The following TUT7 variants were observed in gnomAD, a reference collection of about 807,000 sequenced individuals.
TUT7 encodes the protein terminal uridylyl transferase 7.
A neutral mutation model predicts 165.9 loss-of-function variants in TUT7; 33 were observed. That is an observed-to-expected ratio of 0.20 (90% confidence interval 0.15 to 0.27). TUT7 has a LOEUF of 0.27. TUT7 is among the 10% of genes least tolerant of loss of function. TUT7 has a pLI of 1.00. For synonymous variants in TUT7, 552 were observed against 608.1 expected (o/e 0.91, Z 1.36); for missense variants, 1,338 against 1,762.3 (o/e 0.76, Z 4.31).
chr9:86,333,833 TTA>T (rs149350429), intron 10 of TUT7, among the ~76,000 whole-genome samples: 37,263 of 152,080 alleles, frequency 0.25, 6,141 homozygotes, highest in Non-Finnish European at 0.35. Context: ...GGGTGAGGTT[TTA>T]TGTTTATCTG....
intron 10 of TUT7, among the ~76,000 whole-genome samples, chr9:86,336,532 C>T (rs952152919): frequency 2.0e-5 from 3 of 152,150 alleles, no homozygotes; most frequent in Non-Finnish European, 4.4e-5. Flanking sequence ...CTTAATCTCA[C>T]CTTATTCAGT....
Position 86,325,327 on chromosome 9 carries a change from G to A in TUT7, c.1789+7C>T. 1.2e-6 allele frequency: 2 copies of A among 1,612,296 alleles called. No homozygotes were observed. The highest frequency in any genetic ancestry group is 1.7e-6 in the Non-Finnish European group (2 of 1,178,772). On this transcript the variant is annotated splice_region_variant and intron_variant, in intron 12 of 26. Transcript: ENST00000375963. ...TGGGGGGGAATAAGATAAACATTTT[G>A]AGATACCTTCAATGGCAATGCGCTT...
At chr9:86,309,872 A>C (rs1243656015) in intron 19 of TUT7, 56 bp downstream of exon 19, 2 of 1,461,828 alleles carry the variant, frequency 1.4e-6, no homozygotes, top group Non-Finnish European at 1.9e-6. Context: ...TGTTTTCAAC[A>C]GTGTTTAAAG....
chr9:86,348,062 T>C (rs919309696), intron 2 of TUT7, among the ~76,000 whole-genome samples: 5 of 152,216 alleles, frequency 3.3e-5, no homozygotes, highest in Admixed American at 3.3e-4. Context: ...AAAGCCCCTA[T>C]TAGTTCACAA....
rs1829048402 is a variant in TUT7, at chr9:86,319,680, A to T, written c.3029-10T>A. On this transcript the variant is annotated splice_polypyrimidine_tract_variant and intron_variant, in intron 14 of 26. Coordinates refer to ENST00000375963, the MANE Select transcript of TUT7 (RefSeq NM_024617.4). ...GTTGGAGAAAAATCCTCTGTTTAAA[A>T]ATAAATAGACATATTGACAAAATAA... The T allele has an allele frequency of 6.4e-7, 1 of 1,572,962 alleles. No homozygotes were observed.
chr9:86,300,358 G>A (rs1274826111), intron 26 of TUT7, among the ~76,000 whole-genome samples: 1 of 152,098 alleles, frequency 6.6e-6, no homozygotes, highest in Non-Finnish European at 1.5e-5. Flanking sequence ...GAGTATTTTA[G>A]GGAAACTGTA....
intron 8 of TUT7, 46 bp from the exon 9 acceptor site, chr9:86,338,995 A>G: frequency 6.7e-7 from 1 of 1,496,376 alleles, no homozygotes; most frequent in Non-Finnish European, 8.9e-7. Context: ...AAAAGAAAAA[A>G]GTGTTACACA....
rs3831225 is a variant in TUT7 at position 86,344,846 on chromosome 9, C to CA, written c.997+130dup. The CA allele has an allele frequency of 5.2e-3, 4,910 of 943,104 alleles. 112 individuals carry two copies. The East Asian group carries it at 0.062, about 12-fold the overall frequency. 58.4% of individuals were successfully genotyped at this position (943,104 alleles called of 1,614,324 possible). A position where few individuals can be genotyped will look rare whatever the true frequency, so the allele number is the denominator to read the frequency against. Reference sequence around the variant, plus strand: ...AGGGAAAGCCAGGGAAAACAAAAAACAAAAAAATAGAAAACACAAGAGCTT... The same window carrying CA: ...AGGGAAAGCCAGGGAAAACAAAAAACAAAAAAAATAGAAAACACAAGAGCTT... On this transcript the variant is annotated intron_variant, in intron 5 of 26. Coordinates refer to ENST00000375963, the MANE Select transcript of TUT7 (RefSeq NM_024617.4).
chr9:86,315,616 G>A (rs918763200), intron 17 of TUT7, among the ~76,000 whole-genome samples: 5 of 152,104 alleles, frequency 3.3e-5, no homozygotes, highest in Non-Finnish European at 7.4e-5. Flanking sequence ...CGCTAACTTA[G>A]TACTTCAGTT....
At chr9:86,310,683 A>C (rs1423238792) in intron 18 of TUT7, 23 bp downstream of exon 18, 1 of 1,408,400 alleles carries the variant, frequency 7.1e-7, no homozygotes. Context: ...CTCTCTAAAC[A>C]AAAAGCCTGA....
chr9:86,323,519 G>T lies in TUT7; in HGVS notation c.2231C>A (p.Pro744Gln), dbSNP rs770466734. 3.7e-6 allele frequency: 6 copies of T among 1,614,180 alleles called. No individual in the cohort carries two copies. The Admixed American group carries it at 1.0e-4, about 27-fold the overall frequency. The change falls in exon 13 of 27, where the codon CCA (proline) becomes CAA (glutamine). Residue 744 changes from proline to glutamine, a missense_variant. Physicochemically the swap from Pro to Gln is moderately conservative, Grantham distance 76. Around this residue, in one of 7 missense-constraint regions of TUT7, gnomAD observed 425 missense variants for 474.9 expected, o/e 0.89. Coordinates refer to ENST00000375963, the MANE Select transcript of TUT7 (RefSeq NM_024617.4). ...TTTCTCGTTTTTCCTTCCTGTTTCT[G>T]GATGGTATACTTTATCACCCTTGTA... ...DDYKGDKVYH[P>Q]ETGRKNEKEK...
chr9:86,340,897 A>G, intron 7 of TUT7, 105 bp downstream of exon 7: 1 of 850,820 alleles, frequency 1.2e-6, no homozygotes, highest in South Asian at 1.5e-5. Flanking sequence ...TTACCCACAT[A>G]AATAATTTTA....
In TUT7 at chr9:86,352,742, C is replaced by T; in HGVS notation, c.458G>A (p.Arg153Gln). The T allele has an allele frequency of 1.2e-5, 19 of 1,614,162 alleles. No individual in the cohort carries two copies. The highest frequency in any genetic ancestry group is 3.3e-5 in the South Asian group (3 of 91,076). The change falls in exon 2 of 27, where the codon CGA becomes CAA. Residue 153 changes from arginine (R) to glutamine (Q), a missense_variant. By Grantham distance (43) the Arg-to-Gln change is conservative. This residue lies in a region of TUT7 where 434 missense variants were observed against 480.8 expected (regional missense o/e 0.90). Coordinates refer to ENST00000375963, the MANE Select transcript of TUT7 (RefSeq NM_024617.4). ...GCTTGTTAGGTCTTTATGAAACAGT[C>T]GTCTTACAGTTCTGCAGCCTCTTGT... ...QDTRGCRTVR[R>Q]LFHKDLTSLE...
intron 17 of TUT7, among the ~76,000 whole-genome samples, chr9:86,316,901 G>A (rs766649080): frequency 6.9e-6 from 1 of 144,526 alleles, no homozygotes; most frequent in South Asian, 2.1e-4. Flanking sequence ...AAAAACTAAC[G>A]ATACAACAAT....
At position 86,311,743 on chromosome 9, in the gene TUT7, C is replaced by T. The variant is rs1405576774; in HGVS notation, c.3275-934G>A. Among the ~76,000 whole-genome samples, 1 of 152,068 alleles carries T rather than the reference C, an allele frequency of 6.6e-6. No homozygotes were observed. Among genetic ancestry groups the T allele is most frequent in the Non-Finnish European group, 1.5e-5 (1 of 68,020 alleles). ...TGCCTGATTCTCCTGCCTCAGCCTGCCGAGTGCCTGCGATTGCAGGTGCGC... is the reference window on the plus strand; with the variant it reads ...TGCCTGATTCTCCTGCCTCAGCCTGTCGAGTGCCTGCGATTGCAGGTGCGC... On this transcript the variant is annotated intron_variant, in intron 17 of 26. Coordinates refer to ENST00000375963, the MANE Select transcript of TUT7 (RefSeq NM_024617.4). The surrounding 1 kb of genome is among the most constrained non-coding windows in gnomAD (Gnocchi z 4.4).
chr9:86,304,733 A>T (rs4877315), intron 24 of TUT7, 123 bp downstream of exon 24: 613,847 of 641,394 alleles, frequency 0.96, 293,932 homozygotes, highest in East Asian at 1. Context: ...CATTCTGTAC[A>T]ATAGTCATTT....
At chr9:86,302,175 T>TA (rs1019505402) in intron 25 of TUT7, among the ~76,000 whole-genome samples, 35 of 152,222 alleles carry the variant, frequency 2.3e-4, no homozygotes, top group African/African-American at 8.4e-4. Flanking sequence ...GCTGTACAGT[T>TA]AAAAACACCA....
Position 86,303,121 on chromosome 9 carries a change from G to A in TUT7, c.4059C>T (p.Ile1353=), listed in dbSNP as rs757658221. The A allele has an allele frequency of 1.9e-5, 31 of 1,609,718 alleles. No homozygotes were observed. The highest frequency in any genetic ancestry group is 2.7e-5 in the African/African-American group (2 of 74,738). The change falls in exon 25 of 27, where the codon ATC becomes ATT. Residue 1353 remains isoleucine, a synonymous_variant. Coordinates refer to ENST00000375963, the MANE Select transcript of TUT7 (RefSeq NM_024617.4). ...TAGGACAGTCCTTCATGAAGTGTCC[G>A]ATTTTTCCACAAATTCGACAACATC... ...NDRCCRICGK[I]GHFMKDCPMR... is the part of the protein sequence containing the mutation.
intron 10 of TUT7, among the ~76,000 whole-genome samples, chr9:86,331,424 AAC>A (rs1362640553): frequency 6.6e-6 from 1 of 152,186 alleles, no homozygotes; most frequent in East Asian, 1.9e-4. Context: ...TTGTTTAGCT[AAC>A]ACAGGTGTCA....
Sources: gnomAD v4.1 joint callset for allele counts (sites outside exome capture counted in the v4.1 genomes callset) on GRCh38, gnomAD v4.1.1 for gene constraint, gnomAD v4.1.1 regional missense constraint, Gnocchi (gnomAD v3.1) non-coding constraint, MANE v1.5 for transcripts, NCBI Gene and HGNC (gene_info 2026-07-23, HGNC 2026-07-21) for gene names.